Variants in CNTN3 observed in about 807,000 individuals in gnomAD.
The protein encoded by CNTN3 is contactin 3.
CNTN3 carries 60 observed loss-of-function variants against 119.1 expected under a neutral mutation model. The ratio of observed to expected loss-of-function variants is 0.50; its 90% CI spans 0.41 to 0.62. The LOEUF (loss-of-function observed/expected upper bound fraction) is 0.62, where lower values mean the gene tolerates loss of function less well. Ranked by LOEUF, CNTN3 falls within the 20% of genes least tolerant of loss-of-function variation. The probability of loss-of-function intolerance (pLI) is 0.00; values close to 1 mark genes in which losing one functional copy is unlikely to be tolerated. For missense variants in CNTN3, 1,101 were observed against 1,242.4 expected, an observed-to-expected ratio of 0.89 and a Z score of 1.71; for synonymous variants, 450 against 438.7, an observed-to-expected ratio of 1.03 and a Z score of -0.32.
intron 17 of CNTN3, among the ~76,000 whole-genome samples, chr3:74,299,512 C>T (rs1387990015): frequency 1.3e-5 from 2 of 152,206 alleles, no homozygotes; most frequent in Non-Finnish European, 2.9e-5. Flanking sequence ...ATCTCTATGT[C>T]TACCAACCAG....
chr3:74,363,576 G>C (rs965359841), intron 10 of CNTN3, among the ~76,000 whole-genome samples: 1 of 152,102 alleles, frequency 6.6e-6, no homozygotes, highest in Non-Finnish European at 1.5e-5. Context: ...GATTGGTTCA[G>C]AAACAAGTAT....
chr3:74,390,011 T>G (rs892399972), intron 5 of CNTN3, among the ~76,000 whole-genome samples: 6 of 152,226 alleles, frequency 3.9e-5, no homozygotes, highest in African/African-American at 1.4e-4. Flanking sequence ...ACCTTTGCCT[T>G]TCTTCAGATC....
At chr3:74,409,034 C>A (rs1232685996) in intron 5 of CNTN3, among the ~76,000 whole-genome samples, 1 of 152,110 alleles carries the variant, frequency 6.6e-6, no homozygotes, top group Non-Finnish European at 1.5e-5. Flanking sequence ...CCACGAAGAG[C>A]CTTGCATATA....
At chr3:74,435,294 C>A (rs2106917173) in intron 4 of CNTN3, among the ~76,000 whole-genome samples, 1 of 152,286 alleles carries the variant, frequency 6.6e-6, no homozygotes, top group South Asian at 2.1e-4. Context: ...TATGCCTCAG[C>A]CTCCCAAGTA....
chr3:74,316,270 T>A (rs578077731), intron 13 of CNTN3, among the ~76,000 whole-genome samples: 11 of 152,000 alleles, frequency 7.2e-5, no homozygotes, highest in African/African-American at 2.7e-4. Flanking sequence ...GAAATGCAAA[T>A]CAAAACCACA....
chr3:74,339,188 T>A (rs909312038), intron 11 of CNTN3, among the ~76,000 whole-genome samples: 68 of 152,162 alleles, frequency 4.5e-4, no homozygotes, highest in African/African-American at 1.6e-3. Context: ...GATCACGTGA[T>A]CCTGCCCTCC....
chr3:74,466,805 T>C (rs187120195), intron 4 of CNTN3, among the ~76,000 whole-genome samples: 14 of 152,198 alleles, frequency 9.2e-5, no homozygotes, highest in African/African-American at 3.4e-4. Context: ...ATAAAAAAGA[T>C]ACATAAAAGA....
At chr3:74,460,030 A>G (rs77549400) in intron 4 of CNTN3, among the ~76,000 whole-genome samples, 1,534 of 152,136 alleles carry the variant, frequency 0.01, 20 homozygotes, top group African/African-American at 0.035. Context: ...CCTTCCTCCA[A>G]TGAAATGTCT....
At chr3:74,463,005 C>T (rs936283228) in intron 4 of CNTN3, among the ~76,000 whole-genome samples, 2 of 152,060 alleles carry the variant, frequency 1.3e-5, no homozygotes, top group East Asian at 1.9e-4. Flanking sequence ...AACTATGGGT[C>T]GATTAAGGGC....
chr3:74,388,969 T>C (rs1202657193), intron 5 of CNTN3, among the ~76,000 whole-genome samples: 3 of 152,202 alleles, frequency 2.0e-5, no homozygotes, highest in African/African-American at 7.2e-5. Context: ...ACACGTACTC[T>C]GGCCATTCGT....
intron 13 of CNTN3, among the ~76,000 whole-genome samples, chr3:74,314,928 G>A (rs1434025908): frequency 6.6e-6 from 1 of 152,120 alleles, no homozygotes; most frequent in Non-Finnish European, 1.5e-5. Context: ...TTCCCAGGAG[G>A]TCAGCCATTC....
chr3:74,426,774 T>C (rs1294881867), intron 4 of CNTN3, among the ~76,000 whole-genome samples: 1 of 152,202 alleles, frequency 6.6e-6, no homozygotes, highest in African/African-American at 2.4e-5. Context: ...TGTAACTAAC[T>C]GAGTTAGAAC....
intron 5 of CNTN3, among the ~76,000 whole-genome samples, chr3:74,415,347 A>G (rs1197201821): frequency 6.6e-6 from 1 of 152,134 alleles, no homozygotes; most frequent in Non-Finnish European, 1.5e-5. Flanking sequence ...TAATGAATGA[A>G]TGAATCCAGT....
At chr3:74,336,391 T>C in intron 12 of CNTN3, 140 bp downstream of exon 12, 2 of 864,052 alleles carry the variant, frequency 2.3e-6, no homozygotes, top group South Asian at 1.9e-5. Flanking sequence ...GACTTTCACC[T>C]GTTAAAAATA....
intron 4 of CNTN3, among the ~76,000 whole-genome samples, chr3:74,462,070 A>C (rs1375150815): frequency 6.6e-6 from 1 of 151,966 alleles, no homozygotes; most frequent in Non-Finnish European, 1.5e-5. Context: ...TTCTCATGAC[A>C]GAGTTCTTAG....
intron 2 of CNTN3, among the ~76,000 whole-genome samples, chr3:74,500,933 C>T (rs6549607): frequency 0.86 from 130,077 of 151,896 alleles, 56,521 homozygotes; most frequent in Non-Finnish European, 0.94. Flanking sequence ...AGTGGTTAGG[C>T]GGCATGAGCA....
intron 11 of CNTN3, among the ~76,000 whole-genome samples, chr3:74,351,237 C>T (rs895909363): frequency 1.3e-5 from 2 of 152,112 alleles, no homozygotes; most frequent in African/African-American, 2.4e-5. Flanking sequence ...TTTAAAAAGG[C>T]GGGGGTCCCA....
At chr3:74,553,248 C>G (rs1704019846) in intron 1 of CNTN3, among the ~76,000 whole-genome samples, 1 of 152,156 alleles carries the variant, frequency 6.6e-6, no homozygotes, top group Non-Finnish European at 1.5e-5. Context: ...ATCCAAGTCC[C>G]TGCAAAGGAC....
At chr3:74,469,644 A>G (rs949633023) in intron 4 of CNTN3, among the ~76,000 whole-genome samples, 2 of 152,206 alleles carry the variant, frequency 1.3e-5, no homozygotes, top group African/African-American at 2.4e-5. Flanking sequence ...GAAAACCACA[A>G]TACGATACCC....
Sources: gnomAD v4.1 joint callset for allele counts (sites outside exome capture counted in the v4.1 genomes callset) on GRCh38, gnomAD v4.1.1 for gene constraint, MANE v1.5 for transcripts, NCBI Gene and HGNC (gene_info 2026-07-23, HGNC 2026-07-21) for gene names.